TMEM163: variants seen among roughly 807,000 people sequenced by gnomAD.
TMEM163 encodes the protein transmembrane protein 163.
A neutral mutation model predicts 29.3 loss-of-function variants in TMEM163; 17 were observed. The ratio of observed to expected loss-of-function variants is 0.58; its 90% CI spans 0.40 to 0.87. The LOEUF is 0.87. Among genes scored for constraint, TMEM163 ranks in the 40% least tolerant of loss-of-function variants. The pLI is 0.00. For missense variants in TMEM163, 303 were observed against 381.5 expected, an observed-to-expected ratio of 0.79 and a Z score of 1.71; for synonymous variants, 157 against 160.6, an observed-to-expected ratio of 0.98 and a Z score of 0.17.
At chr2:134,517,484 C>A (rs1680099012) in intron 4 of TMEM163, among the ~76,000 whole-genome samples, 1 of 152,148 alleles carries the variant, frequency 6.6e-6, no homozygotes, top group Admixed American at 6.5e-5. Flanking sequence ...CGTAGACAAG[C>A]CGGAATTTTC....
At chr2:134,590,114 A>G (rs977236915) in intron 2 of TMEM163, among the ~76,000 whole-genome samples, 2 of 135,494 alleles carry the variant, frequency 1.5e-5, no homozygotes, top group African/African-American at 5.3e-5. Flanking sequence ...CCCAAGCCCA[A>G]CTGATTCTTT....
intron 4 of TMEM163, among the ~76,000 whole-genome samples, chr2:134,515,201 A>G (rs1318815582): frequency 1.3e-5 from 2 of 152,186 alleles, no homozygotes. Flanking sequence ...AATCCCACTG[A>G]CACAAGATGT....
chr2:134,688,376 C>T (rs4953923), intron 2 of TMEM163, among the ~76,000 whole-genome samples: 22,624 of 151,990 alleles, frequency 0.15, 2,068 homozygotes, highest in Middle Eastern at 0.37. Flanking sequence ...ATGAATGTCA[C>T]CTTGGTGGGT....
At chr2:134,501,732 T>C (rs1016846976) in intron 5 of TMEM163, among the ~76,000 whole-genome samples, 5 of 152,170 alleles carry the variant, frequency 3.3e-5, no homozygotes, top group Non-Finnish European at 7.3e-5. Context: ...AAGTAGGAGA[T>C]GAAGAGCACA....
chr2:134,637,516 T>C (rs1683130545), intron 2 of TMEM163, among the ~76,000 whole-genome samples: 1 of 152,230 alleles, frequency 6.6e-6, no homozygotes, highest in African/African-American at 2.4e-5. Flanking sequence ...CATAAATTAT[T>C]GTAAAATAAA....
At chr2:134,573,411 G>A (rs112568519) in intron 2 of TMEM163, among the ~76,000 whole-genome samples, 9 of 152,268 alleles carry the variant, frequency 5.9e-5, no homozygotes, top group Middle Eastern at 3.4e-3. Flanking sequence ...ACTTTTAGCC[G>A]CCAGGGGGTA....
At chr2:134,585,542 A>C (rs1364167496) in intron 2 of TMEM163, among the ~76,000 whole-genome samples, 1 of 152,150 alleles carries the variant, frequency 6.6e-6, no homozygotes, top group Non-Finnish European at 1.5e-5. Flanking sequence ...AGAGATAGAG[A>C]CCATCCTGGC....
At chr2:134,462,139 G>A (rs770571817) in intron 6 of TMEM163, among the ~76,000 whole-genome samples, 11 of 145,840 alleles carry the variant, frequency 7.5e-5, no homozygotes, top group Admixed American at 1.3e-4. Flanking sequence ...GCTCGGGGGC[G>A]GGGGGCATTG....
chr2:134,606,866 A>G (rs1295900856), intron 2 of TMEM163, among the ~76,000 whole-genome samples: 1 of 152,266 alleles, frequency 6.6e-6, no homozygotes, highest in Admixed American at 6.5e-5. Context: ...CAGTTTCAAT[A>G]AAACAGTGAA....
intron 2 of TMEM163, among the ~76,000 whole-genome samples, chr2:134,556,681 C>T (rs1172387276): frequency 2.0e-5 from 3 of 151,954 alleles, no homozygotes; most frequent in Non-Finnish European, 4.4e-5. Flanking sequence ...ATTAGCTGAG[C>T]GTGGTAGCAG....
chr2:134,661,739 C>G (rs1308577780), intron 2 of TMEM163, among the ~76,000 whole-genome samples: 1 of 152,088 alleles, frequency 6.6e-6, no homozygotes, highest in African/African-American at 2.4e-5. Flanking sequence ...GTACGTAGAG[C>G]TCACACACAT....
chr2:134,576,033 G>A (rs533070594), intron 2 of TMEM163, among the ~76,000 whole-genome samples: 2 of 152,300 alleles, frequency 1.3e-5, no homozygotes, highest in Admixed American at 6.5e-5. Flanking sequence ...ACAGTAAGAT[G>A]AGGATTTGAA....
At chr2:134,571,154 A>G (rs1212253141) in intron 2 of TMEM163, among the ~76,000 whole-genome samples, 1 of 152,240 alleles carries the variant, frequency 6.6e-6, no homozygotes, top group Non-Finnish European at 1.5e-5. Flanking sequence ...CTCAAATTAT[A>G]GATAGCCTCA....
At chr2:134,693,773 C>T (rs975862661) in intron 2 of TMEM163, among the ~76,000 whole-genome samples, 4 of 152,274 alleles carry the variant, frequency 2.6e-5, no homozygotes, top group Admixed American at 2.0e-4. Context: ...TAGAAGACAC[C>T]TCTGGGCACT....
At chr2:134,548,758 C>T (rs549518978) in intron 4 of TMEM163, among the ~76,000 whole-genome samples, 1 of 152,206 alleles carries the variant, frequency 6.6e-6, no homozygotes, top group Admixed American at 6.5e-5. Context: ...ACATGAAATT[C>T]GTTTATGTTT....
chr2:134,635,293 C>T (rs548785625), intron 2 of TMEM163, among the ~76,000 whole-genome samples: 34 of 152,260 alleles, frequency 2.2e-4, no homozygotes, highest in Admixed American at 1.1e-3. Flanking sequence ...GCTCAGTAGA[C>T]GGCTCTTCTA....
chr2:134,547,974 A>G (rs1680828834), intron 4 of TMEM163, among the ~76,000 whole-genome samples: 1 of 152,232 alleles, frequency 6.6e-6, no homozygotes, highest in Admixed American at 6.5e-5. Context: ...TGGCTTTCTG[A>G]CTAACATGTA....
At chr2:134,688,417 G>A (rs1354214086) in intron 2 of TMEM163, among the ~76,000 whole-genome samples, 3 of 151,830 alleles carry the variant, frequency 2.0e-5, no homozygotes, top group Admixed American at 6.6e-5. Context: ...GTCAATAATC[G>A]ACCTATGACA....
intron 2 of TMEM163, among the ~76,000 whole-genome samples, chr2:134,671,256 C>A (rs1683990439): frequency 6.6e-6 from 1 of 152,192 alleles, no homozygotes; most frequent in Admixed American, 6.5e-5. Flanking sequence ...ACTAGTGGTG[C>A]CAGTTCAGCA....
Sources: gnomAD v4.1 joint callset for allele counts (sites outside exome capture counted in the v4.1 genomes callset) on GRCh38, gnomAD v4.1.1 for gene constraint, MANE v1.5 for transcripts, NCBI Gene and HGNC (gene_info 2026-07-23, HGNC 2026-07-21) for gene names.